The following TERF1 variants were observed in gnomAD, a reference collection of about 807,000 sequenced individuals.
TERF1 encodes telomeric repeat binding factor 1, also known as telomeric repeat-binding factor 1.
A neutral mutation model predicts 55.1 loss-of-function variants in TERF1; 20 were observed. The observed-to-expected ratio is 0.36, with a 90% confidence interval of 0.26 to 0.53. The LOEUF (loss-of-function observed/expected upper bound fraction) is 0.53, where lower values mean the gene tolerates loss of function less well. TERF1 is among the 20% of genes least tolerant of loss of function. TERF1 has a pLI of 0.91. For missense variants in TERF1, 439 were observed against 535.7 expected (o/e 0.82, Z 1.78); for synonymous variants, 168 against 181.2 (o/e 0.93, Z 0.59).
At chr8:73,009,247 G>A (rs1211557458) in intron 1 of TERF1, 42 bp downstream of exon 1, 2 of 1,572,936 alleles carry the variant, frequency 1.3e-6, no homozygotes, top group African/African-American at 1.4e-5. Flanking sequence ...CGCGGGGGGC[G>A]GATGCGGGCT....
chr8:73,025,229 A>G (rs1808926629), intron 5 of TERF1, among the ~76,000 whole-genome samples: 1 of 152,248 alleles, frequency 6.6e-6, no homozygotes, highest in Non-Finnish European at 1.5e-5. Flanking sequence ...ATGAATTAAA[A>G]ATAAGAAATA....
At chr8:73,014,374 G>C (rs563649717) in intron 2 of TERF1, among the ~76,000 whole-genome samples, 5 of 152,300 alleles carry the variant, frequency 3.3e-5, no homozygotes, top group African/African-American at 1.2e-4. Context: ...TCTTGGGGAA[G>C]TGTGTTTCAT....
At chr8:73,022,680 C>T (rs888170756) in intron 4 of TERF1, among the ~76,000 whole-genome samples, 1 of 152,138 alleles carries the variant, frequency 6.6e-6, no homozygotes, top group African/African-American at 2.4e-5. Flanking sequence ...GGTGCAATAG[C>T]TCATGCCTAT....
chr8:73,043,448 GA>G (rs1244002373), intron 9 of TERF1: 1 of 152,066 alleles, frequency 6.6e-6, no homozygotes, highest in African/African-American at 2.4e-5. Flanking sequence ...GGTTAGGGGT[GA>G]GCAAAATTTT....
chr8:73,032,137 A>C lies in TERF1; in HGVS notation c.1039+4A>C. On this transcript the variant is annotated splice_donor_region_variant and intron_variant, in intron 8 of 9. Coordinates refer to ENST00000276603, the MANE Select transcript of TERF1 (RefSeq NM_017489.3). ...AGAAGAGTAGGAACTCCTCAAAGTG[A>C]GTACTGTTATAACAGTTTTAGAAGG... 2 of 1,603,040 alleles carry C rather than the reference A, an allele frequency of 1.2e-6. No homozygotes were observed. The highest frequency in any genetic ancestry group is 2.2e-5 in the South Asian group (2 of 90,318).
intron 8 of TERF1, among the ~76,000 whole-genome samples, chr8:73,032,582 T>C (rs1468309301): frequency 6.6e-6 from 1 of 151,896 alleles, no homozygotes; most frequent in East Asian, 1.9e-4. Context: ...TATGAATATA[T>C]ATATATATAT....
At chr8:73,024,427 C>T (rs1415409040) in intron 4 of TERF1, among the ~76,000 whole-genome samples, 1 of 152,036 alleles carries the variant, frequency 6.6e-6, no homozygotes, top group Non-Finnish European at 1.5e-5. Context: ...ATATGTAGTG[C>T]AAGTAAAGGA....
In TERF1 at chr8:73,046,208, T is replaced by C. The variant is rs1037404830; in HGVS notation, c.*71T>C. 2.3e-6 allele frequency: 3 copies of C among 1,307,780 alleles called. No individual in the cohort carries two copies. In the Admixed American group the frequency reaches 8.4e-5, roughly 36 times the overall value. 81.0% of individuals were successfully genotyped at this position (1,307,780 alleles called of 1,614,324 possible). On this transcript the variant is annotated 3_prime_UTR_variant, in exon 10 of 10. Transcript: ENST00000276603. ...CACTGCATTTTGTTTGAAACTTGTGTCATTGATGTAATTTAAAACTTTTGT... is the reference window on the plus strand; with the variant it reads ...CACTGCATTTTGTTTGAAACTTGTGCCATTGATGTAATTTAAAACTTTTGT...
chr8:73,029,925 T>C (rs946723901), intron 6 of TERF1: 3 of 153,812 alleles, frequency 2.0e-5, no homozygotes, highest in East Asian at 1.9e-4. Context: ...AAAAGTTCAA[T>C]TGGAGACTGG....
intron 8 of TERF1, among the ~76,000 whole-genome samples, chr8:73,033,140 T>G (rs1453085519): frequency 6.6e-6 from 1 of 151,968 alleles, no homozygotes; most frequent in African/African-American, 2.4e-5. Context: ...GCCAGGCAAA[T>G]GATAGGCCTG....
intron 9 of TERF1, among the ~76,000 whole-genome samples, chr8:73,043,924 A>G (rs1442572506): frequency 6.6e-6 from 1 of 152,212 alleles, no homozygotes; most frequent in South Asian, 2.1e-4. Context: ...CTTGGAGACC[A>G]TGGAGTTGAT....
At chr8:73,019,808 G>C (rs1808673716) in intron 2 of TERF1, among the ~76,000 whole-genome samples, 2 of 152,130 alleles carry the variant, frequency 1.3e-5, no homozygotes, top group African/African-American at 4.8e-5. Context: ...ACATTACGCT[G>C]TTCTCAGCTC....
chr8:73,032,055 C>A lies in TERF1; in HGVS notation c.961C>A (p.Leu321Ile). 1 of 1,609,832 alleles carries A rather than the reference C, an allele frequency of 6.2e-7. No individual in the cohort carries two copies. The highest frequency in any genetic ancestry group is 8.5e-7 in the Non-Finnish European group (1 of 1,178,890). Residue 321 changes from leucine (L) to isoleucine (I), a missense_variant, in exon 8 of 10, where the codon CTT becomes ATT. Physicochemically the swap from Leu to Ile is conservative, Grantham distance 5. Coordinates refer to ENST00000276603, the MANE Select transcript of TERF1 (RefSeq NM_017489.3). Reference sequence around the variant, plus strand: ...GTTTTATTTTAGGTCTCACAAGAATCTTTTCTTATCTAAGTTGCAACATGG... The same window carrying A: ...GTTTTATTTTAGGTCTCACAAGAATATTTTCTTATCTAAGTTGCAACATGG... ...TVSLLRSHKNLFLSKLQHGTQ... is the reference protein window; with the variant it reads ...TVSLLRSHKNIFLSKLQHGTQ...
intron 5 of TERF1, among the ~76,000 whole-genome samples, chr8:73,025,812 A>G (rs1808961335): frequency 6.7e-6 from 1 of 148,262 alleles, no homozygotes; most frequent in East Asian, 2.0e-4. Flanking sequence ...CTGTAGTCCC[A>G]GCTACTTTGG....
intron 1 of TERF1, chr8:73,012,487 G>T: frequency 6.5e-6 from 1 of 154,694 alleles, no homozygotes; most frequent in Non-Finnish European, 1.4e-5. Context: ...GGCTAACATG[G>T]TGAAACCCCG....
At position 73,045,976 on chromosome 8, in the gene TERF1, G is replaced by A; in HGVS notation, c.1159G>A (p.Glu387Lys). The A allele has an allele frequency of 6.3e-7, 1 of 1,577,626 alleles. No homozygotes were observed. The highest frequency in any genetic ancestry group is 8.6e-7 in the Non-Finnish European group (1 of 1,165,556). Residue 387 changes from glutamate to lysine, a missense_variant, in exon 10 of 10, where the codon GAA becomes AAA. Glu to Lys is a moderately conservative substitution (Grantham distance 56). Coordinates refer to ENST00000276603, the MANE Select transcript of TERF1 (RefSeq NM_017489.3). ...ARKRQAWLWE[E>K]DKNLRSGVRK... Reference sequence around the variant, plus strand: ...TTATCAAAAGGCATGGCTTTGGGAAGAAGACAAGAATTTGAGATCTGGCGT... The same window carrying A: ...TTATCAAAAGGCATGGCTTTGGGAAAAAGACAAGAATTTGAGATCTGGCGT...
intron 2 of TERF1, 139 bp downstream of exon 2, chr8:73,014,129 G>T (rs755188039): frequency 3.5e-5 from 22 of 627,738 alleles, no homozygotes; most frequent in Non-Finnish European, 5.1e-5. Flanking sequence ...TGGTGTGTGT[G>T]TGTGTGTACA....
intron 5 of TERF1, 125 bp downstream of exon 5, chr8:73,025,096 TGTG>T: frequency 1.8e-6 from 1 of 559,050 alleles, no homozygotes; most frequent in East Asian, 3.3e-5. Context: ...TGTAGAAAGG[TGTG>T]GTAAAATGTT....
At chr8:73,013,089 G>A (rs967576777) in intron 1 of TERF1, among the ~76,000 whole-genome samples, 3 of 152,224 alleles carry the variant, frequency 2.0e-5, no homozygotes, top group South Asian at 2.1e-4. Flanking sequence ...AAATATATTC[G>A]TCTTATATGC....
Sources: allele counts gnomAD v4.1 joint callset (sites outside exome capture counted in the v4.1 genomes callset), GRCh38; gene constraint gnomAD v4.1.1; transcripts MANE v1.5; gene names NCBI Gene and HGNC (gene_info 2026-07-23, HGNC 2026-07-21).